Variants in MUC4 observed in about 807,000 individuals in gnomAD.
MUC4 encodes the protein mucin 4, cell surface associated.
A neutral mutation model predicts 257.9 loss-of-function variants in MUC4; 202 were observed. That is an observed-to-expected ratio of 0.78 (90% CI 0.70 to 0.88). The LOEUF (loss-of-function observed/expected upper bound fraction) is 0.88, where lower values mean the gene tolerates loss of function less well. MUC4 is among the 40% of genes least tolerant of loss of function. The pLI, the probability that MUC4 is intolerant of heterozygous loss-of-function variation, is 0.00. For missense variants in MUC4, 5,976 were observed against 6,513.7 expected (o/e 0.92, Z 2.84); for synonymous variants, 2,351 against 2,757.1 (o/e 0.85, Z 4.62).
intron 9 of MUC4, 60 bp from the exon 10 acceptor site, chr3:195,765,182 C>A (rs1720165717): frequency 1.9e-6 from 3 of 1,583,122 alleles, no homozygotes; most frequent in Admixed American, 3.5e-5. Flanking sequence ...GGGGTGGGAA[C>A]AAGCAGGGGC....
chr3:195,766,527 G>T, intron 8 of MUC4, 136 bp downstream of exon 8: 2 of 749,362 alleles, frequency 2.7e-6, no homozygotes, highest in South Asian at 3.4e-5. Flanking sequence ...CCTGTAGGAG[G>T]TTGAACTGTG....
chr3:195,752,121 A>T (rs1188948706), intron 21 of MUC4: 4 of 515,900 alleles, frequency 7.8e-6, no homozygotes, highest in Non-Finnish European at 1.0e-5. Context: ...TCAGATCATA[A>T]CCAAGATGCT....
At chr3:195,795,653 G>T (rs1046575337) in intron 1 of MUC4, among the ~76,000 whole-genome samples, 3 of 151,832 alleles carry the variant, frequency 2.0e-5, no homozygotes, top group Non-Finnish European at 4.4e-5. Flanking sequence ...GAGTTTCCCT[G>T]CAAAAAGCTG....
intron 17 of MUC4, 35 bp downstream of exon 17, chr3:195,759,089 C>A: frequency 1.9e-6 from 3 of 1,611,116 alleles, no homozygotes; most frequent in Non-Finnish European, 2.5e-6. Flanking sequence ...CCCTACCCAC[C>A]TCCCCACTCT....
chr3:195,770,930 G>A (rs763490687), intron 5 of MUC4: 13 of 453,910 alleles, frequency 2.9e-5, no homozygotes, highest in South Asian at 9.3e-5. Flanking sequence ...CCCATCCCCC[G>A]TCACCTGTAG....
At chr3:195,771,924 A>T in intron 4 of MUC4, 108 bp from the exon 5 acceptor site, 1 of 1,239,552 alleles carries the variant, frequency 8.1e-7, no homozygotes, top group Non-Finnish European at 1.1e-6. Flanking sequence ...AGAGCTTTAG[A>T]GATGCTAACA....
At chr3:195,749,110 C>G (rs1392527546) in intron 23 of MUC4, 46 bp from the exon 24 acceptor site, 3 of 1,595,630 alleles carry the variant, frequency 1.9e-6, no homozygotes, top group Admixed American at 3.5e-5. Flanking sequence ...CCGATGAACA[C>G]TAAATCAGTA....
Position 195,784,719 on chromosome 3 carries a change from AGT to A in MUC4, c.6859_6860del (p.Thr2287SerfsTer6). On this transcript the variant is annotated frameshift_variant, in exon 2 of 25. Transcript: ENST00000463781. LOFTEE classifies it high-confidence loss of function. The stretch of plus-strand genomic sequence containing the variant: ...AGGAAGGGCTAGTGACAGGAAGAGG[AGT>A]GGTGTCACCTGTGGATACTGAGGAA... ...SLSSVSTGDT[T>X]PLPVTSPSSA... The A allele has an allele frequency of 1.5e-6, 1 of 689,074 alleles. No individual in the cohort carries two copies. The highest frequency in any genetic ancestry group is 2.0e-6 in the Non-Finnish European group (1 of 507,150). 42.7% of individuals were successfully genotyped at this position (689,074 alleles called of 1,614,324 possible).
intron 14 of MUC4, 149 bp downstream of exon 14, chr3:195,761,938 C>A: frequency 1.0e-6 from 1 of 988,868 alleles, no homozygotes; most frequent in Non-Finnish European, 1.4e-6. Context: ...AGAAGCCCCT[C>A]GGCTCCCGGC....
intron 1 of MUC4, among the ~76,000 whole-genome samples, chr3:195,806,689 G>A (rs1736027713): frequency 6.6e-6 from 1 of 152,198 alleles, no homozygotes; most frequent in African/African-American, 2.4e-5. Context: ...GGCTGGGCTG[G>A]TTTGGAGATT....
chr3:195,761,237 C>T (rs570933520), intron 15 of MUC4, 120 bp from the exon 16 acceptor site: 66 of 913,880 alleles, frequency 7.2e-5, no homozygotes, highest in African/African-American at 6.1e-4. Flanking sequence ...AGGGCCAGAG[C>T]GGTTTCCAGC....
chr3:195,756,631 C>T (rs73205712), intron 18 of MUC4, among the ~76,000 whole-genome samples: 11,725 of 131,082 alleles, frequency 0.089, 541 homozygotes, highest in Middle Eastern at 0.24. Context: ...CCTTTCTTTC[C>T]CTCCTTCTTT....
In MUC4 at chr3:195,752,387, C is replaced by T. The variant is rs763966090; in HGVS notation, c.15568G>A (p.Glu5190Lys). ...GCAGCACTGACCGAGGCGTTGACTT[C>T]TGCCATGGAGGCATTTTCCTCTTCA... ...LSEEENASMA[E>K]VNASVAYRLG... Residue 5190 changes from glutamate to lysine, a missense_variant, in exon 21 of 25, where the codon GAA (glutamate) becomes AAA (lysine). Coordinates refer to ENST00000463781, the MANE Select transcript of MUC4 (RefSeq NM_018406.7). 1 of 1,614,010 alleles carries T rather than the reference C, an allele frequency of 6.2e-7. No homozygotes were observed. Among genetic ancestry groups the T allele is most frequent in the South Asian group, 1.1e-5 (1 of 91,084 alleles).
rs752266216 is a variant in MUC4, at chr3:195,790,158, A to C, written c.1422T>G (p.Gly474=). 1 of 1,613,880 alleles carries C rather than the reference A, an allele frequency of 6.2e-7. No homozygotes were observed. The highest frequency in any genetic ancestry group is 8.5e-7 in the Non-Finnish European group (1 of 1,179,904). ...RPHERSSFSP[G]VSQEIFTLHE... ...GTAGAGTAAATATTTCTTGAGACAC[A>C]CCTGGAGAGAATGAGCTCCTCTCAT... Residue 474 remains glycine (G), a synonymous_variant, in exon 2 of 25, where the codon GGT becomes GGG. Coordinates refer to ENST00000463781, the MANE Select transcript of MUC4 (RefSeq NM_018406.7).
Position 195,788,412 on chromosome 3 carries a change from AG to A in MUC4, c.3167del (p.Pro1056LeufsTer180). ...FSSASTGDST[P>X]LPVTDTSSAS... The stretch of plus-strand genomic sequence containing the variant: ...CTGAGGAAGTGTCAGTGACAGGAAG[AG>A]GGGTGCTGTCACCTGTGGATGCTGA... On this transcript the variant is annotated frameshift_variant, in exon 2 of 25. Transcript: ENST00000463781. LOFTEE classifies it high-confidence loss of function. The A allele has an allele frequency of 6.8e-7, 1 of 1,469,946 alleles. No individual in the cohort carries two copies. The highest frequency in any genetic ancestry group is 9.2e-7 in the Non-Finnish European group (1 of 1,086,740). The allele number at this position is 1,469,946 out of a possible 1,614,324, so 91.1% of individuals were successfully genotyped here.
rs775841939 is a variant in MUC4, at chr3:195,770,290, C to A, written c.13324G>T (p.Gly4442Cys). 3 of 1,613,948 alleles carry A rather than the reference C, an allele frequency of 1.9e-6. No individual in the cohort carries two copies. Among genetic ancestry groups the A allele is most frequent in the Non-Finnish European group, 2.5e-6 (3 of 1,180,010 alleles). Residue 4442 changes from glycine to cysteine, a missense_variant, in exon 6 of 25, where the codon GGC becomes TGC. Coordinates refer to ENST00000463781, the MANE Select transcript of MUC4 (RefSeq NM_018406.7). ...TTTAGGGCCCACCTGGCCTTGTAGCCCCCGTTGTTTGTCATCTTTCTAATC... is the reference window on the plus strand; with the variant it reads ...TTTAGGGCCCACCTGGCCTTGTAGCACCCGTTGTTTGTCATCTTTCTAATC... The part of the protein sequence containing the change: ...SWIRKMTNNG[G>C]YKARWALKVT...
intron 1 of MUC4, among the ~76,000 whole-genome samples, chr3:195,797,977 G>C: frequency 6.6e-6 from 1 of 151,916 alleles, no homozygotes; most frequent in East Asian, 1.9e-4. Context: ...AAATTAGCTG[G>C]GCATAGTAGC....
chr3:195,774,335 C>T (rs1723857460), intron 3 of MUC4, 30 bp from the exon 4 acceptor site: 1 of 1,493,794 alleles, frequency 6.7e-7, no homozygotes, highest in Non-Finnish European at 8.9e-7. Context: ...AGCAGGAAGT[C>T]CAAGTGGGCC....
chr3:195,758,254 A>G (rs1458040745), intron 17 of MUC4, among the ~76,000 whole-genome samples: 1 of 152,144 alleles, frequency 6.6e-6, no homozygotes, highest in Non-Finnish European at 1.5e-5. Context: ...TCATGGATGT[A>G]GGGCTCGGGG....
Sources: allele counts gnomAD v4.1 joint callset (sites outside exome capture counted in the v4.1 genomes callset), GRCh38; gene constraint gnomAD v4.1.1; transcripts MANE v1.5; gene names NCBI Gene and HGNC (gene_info 2026-07-23, HGNC 2026-07-21).